The following NHERF1 variants were observed in gnomAD, a reference collection of about 807,000 sequenced individuals.
NHERF1 encodes NHERF family PDZ scaffold protein 1.
At chr17:74,764,119 C>T in the NHERF1 span, among the ~76,000 whole-genome samples, 1 of 152,368 alleles carries the variant, frequency 6.6e-6, no homozygotes, top group South Asian at 2.1e-4. This position sits in a 1 kb window ranked among gnomAD's most constrained non-coding sequence, Gnocchi z 4.9. Flanking sequence ...GCTGCTGCAC[C>T]GGGGCAGGGA....
At chr17:74,765,547 C>T in the NHERF1 span, among the ~76,000 whole-genome samples, 4 of 148,400 alleles carry the variant, frequency 2.7e-5, no homozygotes, top group African/African-American at 7.5e-5. Flanking sequence ...TGTGAGCCAC[C>T]GCGCCTGGCC....
chr17:74,756,436 A>T, the NHERF1 span, among the ~76,000 whole-genome samples: 67 of 150,776 alleles, frequency 4.4e-4, no homozygotes, highest in Non-Finnish European at 9.0e-4. Flanking sequence ...GCACCACCAC[A>T]TATGTCTAAT....
At chr17:74,756,847 G>A in the NHERF1 span, among the ~76,000 whole-genome samples, 3 of 149,380 alleles carry the variant, frequency 2.0e-5, no homozygotes, top group African/African-American at 7.4e-5. Context: ...ACACATAGTA[G>A]GTGTTCAGTA....
chr17:74,752,318 C>T, the NHERF1 span, among the ~76,000 whole-genome samples: 2 of 151,710 alleles, frequency 1.3e-5, no homozygotes, highest in African/African-American at 4.9e-5. Context: ...TGTTCCATGG[C>T]CCTTCTCCAT....
chr17:74,751,253 T>C, the NHERF1 span, among the ~76,000 whole-genome samples: 60 of 152,336 alleles, frequency 3.9e-4, 1 homozygote, highest in African/African-American at 1.4e-3. The surrounding 1 kb of genome is among the most constrained non-coding windows in gnomAD (Gnocchi z 4.3). Flanking sequence ...GAAAATCCTC[T>C]CCTCTCAATC....
chr17:74,749,811 C>T, the NHERF1 span, among the ~76,000 whole-genome samples: 1 of 152,244 alleles, frequency 6.6e-6, no homozygotes, highest in African/African-American at 2.4e-5. This position sits in a 1 kb window ranked among gnomAD's most constrained non-coding sequence, Gnocchi z 5.6. Flanking sequence ...CCGCAGCCCG[C>T]CGGTGTGTGT....
chr17:74,750,081 G>A, the NHERF1 span, among the ~76,000 whole-genome samples: 1 of 151,556 alleles, frequency 6.6e-6, no homozygotes, highest in Non-Finnish European at 1.5e-5. Flanking sequence ...AGGAGAGAGA[G>A]CTCCTGGGGC....
At chr17:74,765,075 G>A in the NHERF1 span, among the ~76,000 whole-genome samples, 3 of 152,110 alleles carry the variant, frequency 2.0e-5, no homozygotes, top group African/African-American at 7.2e-5. Flanking sequence ...CTGAAGCCAT[G>A]TGGGACCCCT....
the NHERF1 span, among the ~76,000 whole-genome samples, chr17:74,761,355 C>T: frequency 6.6e-6 from 1 of 152,186 alleles, no homozygotes; most frequent in Non-Finnish European, 1.5e-5. The surrounding 1 kb of genome is among the most constrained non-coding windows in gnomAD (Gnocchi z 4.3). Flanking sequence ...AGGATGGCCC[C>T]GTCTTGTCCA....
the NHERF1 span, among the ~76,000 whole-genome samples, chr17:74,754,541 T>G: frequency 1.3e-5 from 2 of 151,966 alleles, no homozygotes; most frequent in Non-Finnish European, 2.9e-5. Context: ...TAGCTAGGAT[T>G]ACAAACACCC....
At chr17:74,753,817 C>G in the NHERF1 span, among the ~76,000 whole-genome samples, 50 of 152,148 alleles carry the variant, frequency 3.3e-4, no homozygotes, top group African/African-American at 1.2e-3. Flanking sequence ...TCCCAGATGT[C>G]CCATCTCAAT....
chr17:74,756,828 C>T, the NHERF1 span, among the ~76,000 whole-genome samples: 5 of 152,308 alleles, frequency 3.3e-5, no homozygotes, highest in Non-Finnish European at 7.3e-5. Context: ...GTAAAGAGCT[C>T]GGTGCCTAAC....
the NHERF1 span, chr17:74,763,305 C>A: frequency 2.6e-6 from 4 of 1,550,990 alleles, no homozygotes; most frequent in Non-Finnish European, 3.5e-6. Flanking sequence ...CAACCCCCCT[C>A]CACTTACCTG....
At chr17:74,749,809 C>T in the NHERF1 span, among the ~76,000 whole-genome samples, 136 of 152,352 alleles carry the variant, frequency 8.9e-4, no homozygotes, top group Non-Finnish European at 8.1e-4. The surrounding 1 kb of genome is among the most constrained non-coding windows in gnomAD (Gnocchi z 5.6). Flanking sequence ...CTCCGCAGCC[C>T]GCCGGTGTGT....
At chr17:74,749,330 G>T in the NHERF1 span, 5 of 1,482,164 alleles carry the variant, frequency 3.4e-6, no homozygotes, top group Non-Finnish European at 4.5e-6. This position sits in a 1 kb window ranked among gnomAD's most constrained non-coding sequence, Gnocchi z 5.6. Context: ...GGAGTGGGAG[G>T]AGGATCCGGA....
chr17:74,751,840 G>A, the NHERF1 span, among the ~76,000 whole-genome samples: 7 of 152,352 alleles, frequency 4.6e-5, no homozygotes, highest in South Asian at 6.2e-4. This position sits in a 1 kb window ranked among gnomAD's most constrained non-coding sequence, Gnocchi z 4.3. Flanking sequence ...CAGGCTGTGC[G>A]AAGCCAAGTT....
chr17:74,760,225 G>A, the NHERF1 span, among the ~76,000 whole-genome samples: 2 of 152,170 alleles, frequency 1.3e-5, no homozygotes, highest in African/African-American at 4.8e-5. This position sits in a 1 kb window ranked among gnomAD's most constrained non-coding sequence, Gnocchi z 4.5. Flanking sequence ...GAGTGCCGGG[G>A]GGTGAGCCTG....
the NHERF1 span, among the ~76,000 whole-genome samples, chr17:74,765,323 C>T: frequency 4.0e-5 from 6 of 151,826 alleles, no homozygotes; most frequent in Admixed American, 3.3e-4. Context: ...TGCAGTGGTG[C>T]GATCTCGGCT....
the NHERF1 span, among the ~76,000 whole-genome samples, chr17:74,758,666 T>C: frequency 6.6e-6 from 1 of 152,204 alleles, no homozygotes; most frequent in South Asian, 2.1e-4. This position sits in a 1 kb window ranked among gnomAD's most constrained non-coding sequence, Gnocchi z 4.3. Context: ...CGGACCCCTC[T>C]GTAGCTGGCT....
Sources: allele counts gnomAD v4.1 joint callset (sites outside exome capture counted in the v4.1 genomes callset), GRCh38; gene constraint gnomAD v4.1.1; non-coding constraint Gnocchi (gnomAD v3.1); transcripts MANE v1.5; gene names NCBI Gene and HGNC (gene_info 2026-07-23, HGNC 2026-07-21).